Variants in PLCB1 observed in about 807,000 individuals in gnomAD.
The protein encoded by PLCB1 is phospholipase C beta 1, also known as 1-phosphatidylinositol 4,5-bisphosphate phosphodiesterase beta-1.
A neutral mutation model predicts 161.8 loss-of-function variants in PLCB1; 46 were observed. That is an observed-to-expected ratio of 0.28 (90% CI 0.22 to 0.36). The LOEUF (loss-of-function observed/expected upper bound fraction) is 0.36, where lower values mean the gene tolerates loss of function less well. Among genes scored for constraint, PLCB1 ranks in the 10% least tolerant of loss-of-function variants. The pLI, the probability that PLCB1 is intolerant of heterozygous loss-of-function variation, is 1.00. For synonymous variants in PLCB1, 517 were observed against 503.7 expected (o/e 1.03, Z -0.35); for missense variants, 1,016 against 1,472.5 (o/e 0.69, Z 5.07).
Position 8,241,240 on chromosome 20 carries a change from C to A in PLCB1, c.177+90869C>A, listed in dbSNP as rs370542369. ...CAAGTAATCTACTTGAAAAATTAAG[C>A]CTCTACTTTCCAGGAAAGATAATTT... is the stretch of plus-strand genomic sequence containing the variant. On this transcript the variant is annotated intron_variant, in intron 2 of 31. Transcript: ENST00000338037. Among the ~76,000 whole-genome samples, 4 of 151,910 alleles carry A rather than the reference C, an allele frequency of 2.6e-5. No individual in the cohort carries two copies. In the East Asian group the frequency reaches 5.8e-4, roughly 22 times the overall value.
At chr20:8,738,153 G>T (rs184313402) in intron 20 of PLCB1, among the ~76,000 whole-genome samples, 39 of 152,324 alleles carry the variant, frequency 2.6e-4, no homozygotes, top group African/African-American at 7.0e-4. Flanking sequence ...TAAAGCAATT[G>T]TATTTTGAAA....
rs941732962 is a variant in PLCB1 at position 8,358,065 on chromosome 20, G to T, written c.178-13317G>T. The stretch of plus-strand genomic sequence containing the variant: ...TTCATGATAGGCCTGCCAGGGAGGT[G>T]GCCCTGCCAGCCTGCTGCCTCTTGT... On this transcript the variant is annotated intron_variant, in intron 2 of 31. Transcript: ENST00000338037. 1.3e-5 allele frequency among the ~76,000 whole-genome samples: 2 copies of T among 152,132 alleles called. 1 individual carries two copies. The highest frequency in any genetic ancestry group is 4.1e-4 in the South Asian group (2 of 4,832).
chr20:8,506,527 CA>C (rs1410381872), intron 3 of PLCB1, among the ~76,000 whole-genome samples: 1 of 152,014 alleles, frequency 6.6e-6, no homozygotes, highest in Non-Finnish European at 1.5e-5. Context: ...CAAAGTACAT[CA>C]GGAAAAATCA....
At chr20:8,261,675 TG>T (rs1981705345) in intron 2 of PLCB1, among the ~76,000 whole-genome samples, 1 of 152,030 alleles carries the variant, frequency 6.6e-6, no homozygotes, top group Admixed American at 6.6e-5. Context: ...AAGGTGACAG[TG>T]GGGTAGAGTG....
chr20:8,146,127 G>A (rs1254665221), intron 1 of PLCB1, among the ~76,000 whole-genome samples: 1 of 149,254 alleles, frequency 6.7e-6, no homozygotes, highest in African/African-American at 2.5e-5. Context: ...TTTGGTATAA[G>A]GCACAGTTAT....
intron 31 of PLCB1, among the ~76,000 whole-genome samples, chr20:8,866,712 C>G (rs1600103531): frequency 6.6e-6 from 1 of 152,152 alleles, no homozygotes; most frequent in Non-Finnish European, 1.5e-5. Flanking sequence ...TGATCTGGCC[C>G]TGCCTCAGTT....
chr20:8,882,312 A>G lies in PLCB1; in HGVS notation c.*463A>G, dbSNP rs6039314. On this transcript the variant is annotated 3_prime_UTR_variant, in exon 32 of 32. Coordinates refer to ENST00000338037, the MANE Select transcript of PLCB1 (RefSeq NM_015192.4). ...TTCTTCTAACTGCCCCTCAACTACC[A>G]TTATCTTCAAGTCAACATGCATATT... 533 of 168,710 alleles carry G rather than the reference A, an allele frequency of 3.2e-3. 3 individuals are homozygous for G. The highest frequency in any genetic ancestry group is 0.012 in the African/African-American group (507 of 41,674). The allele number at this position is 168,710 out of a possible 1,614,324, so 10.5% of individuals were successfully genotyped here. A position where few individuals can be genotyped will look rare whatever the true frequency, so the allele number is the denominator to read the frequency against.
intron 3 of PLCB1, among the ~76,000 whole-genome samples, chr20:8,559,759 A>G (rs1256124112): frequency 9.2e-5 from 14 of 152,038 alleles, no homozygotes. Flanking sequence ...TCAAGAATAT[A>G]AAACAATTGA....
intron 2 of PLCB1, among the ~76,000 whole-genome samples, chr20:8,291,109 G>A (rs756972609): frequency 2.0e-5 from 3 of 151,842 alleles, no homozygotes; most frequent in Admixed American, 1.3e-4. Context: ...AAGCTTCTGT[G>A]TTGCAGTAAT....
At chr20:8,625,553 T>A (rs556928294) in intron 3 of PLCB1, among the ~76,000 whole-genome samples, 1 of 152,234 alleles carries the variant, frequency 6.6e-6, no homozygotes, top group Non-Finnish European at 1.5e-5. Flanking sequence ...TAAATCAATG[T>A]GCTCCATCAC....
At chr20:8,697,816 C>CT in intron 11 of PLCB1, 33 bp downstream of exon 11, 1 of 1,597,254 alleles carries the variant, frequency 6.3e-7, no homozygotes, top group South Asian at 1.1e-5. Flanking sequence ...AGAGAGGCAG[C>CT]TGGAGACACC....
intron 19 of PLCB1, 32 bp from the exon 20 acceptor site, chr20:8,736,996 C>T (rs780142713): frequency 1.3e-6 from 2 of 1,555,522 alleles, no homozygotes; most frequent in South Asian, 2.2e-5. Context: ...ATCAAAATTC[C>T]TTATGGATTG....
chr20:8,462,758 C>A (rs1310735697), intron 3 of PLCB1, among the ~76,000 whole-genome samples: 1 of 152,060 alleles, frequency 6.6e-6, no homozygotes, highest in Admixed American at 6.6e-5. Context: ...TTCAGATTGG[C>A]TGTCTCACCA....
At chr20:8,564,168 C>T (rs566267692) in intron 3 of PLCB1, among the ~76,000 whole-genome samples, 58 of 152,090 alleles carry the variant, frequency 3.8e-4, no homozygotes, top group Non-Finnish European at 5.7e-4. Flanking sequence ...TGGAACAGAA[C>T]AGAGGCCTCA....
intron 3 of PLCB1, among the ~76,000 whole-genome samples, chr20:8,602,064 T>G (rs947337845): frequency 6.6e-6 from 1 of 152,220 alleles, no homozygotes; most frequent in African/African-American, 2.4e-5. Context: ...GTATTTTCCA[T>G]TGGGCAGCAT....
chr20:8,861,623 G>T (rs541479506), intron 31 of PLCB1, among the ~76,000 whole-genome samples: 2 of 151,316 alleles, frequency 1.3e-5, no homozygotes, highest in African/African-American at 4.9e-5. Flanking sequence ...CCAGCTACTC[G>T]GGCGGCTGAG....
At chr20:8,718,018 G>A (rs1056474819) in intron 14 of PLCB1, among the ~76,000 whole-genome samples, 170 bp downstream of exon 14, 5 of 152,042 alleles carry the variant, frequency 3.3e-5, no homozygotes, top group Non-Finnish European at 7.4e-5. Context: ...GTGAAACCCC[G>A]TGTCTTTGGT....
chr20:8,317,969 G>T (rs1984733939), intron 2 of PLCB1, among the ~76,000 whole-genome samples: 1 of 149,624 alleles, frequency 6.7e-6, no homozygotes, highest in Non-Finnish European at 1.5e-5. Flanking sequence ...CTTCCATTGA[G>T]AATTCATTAA....
At chr20:8,546,187 T>TG (rs11087809) in intron 3 of PLCB1, among the ~76,000 whole-genome samples, 79,966 of 151,458 alleles carry the variant, frequency 0.53, 21,419 homozygotes, top group African/African-American at 0.59. Flanking sequence ...TGGTGGCGTA[T>TG]CCTGTAGTCC....
Sources: gnomAD v4.1 joint callset for allele counts (sites outside exome capture counted in the v4.1 genomes callset) on GRCh38, gnomAD v4.1.1 for gene constraint, MANE v1.5 for transcripts, NCBI Gene and HGNC (gene_info 2026-07-23, HGNC 2026-07-21) for gene names.